The following NALF1 variants were observed in gnomAD, a reference collection of about 807,000 sequenced individuals.
NALF1 encodes NALCN channel auxiliary factor 1.
Under a neutral mutation model 48.4 loss-of-function variants are expected in NALF1, and 3 were observed. The observed-to-expected ratio is 0.06, with a 90% CI of 0.03 to 0.16. The LOEUF (loss-of-function observed/expected upper bound fraction) is 0.16, where lower values mean the gene tolerates loss of function less well. NALF1 is among the 10% of genes least tolerant of loss of function. NALF1 has a pLI of 1.00. For missense variants in NALF1, 526 were observed against 571.5 expected (o/e 0.92, Z 0.81); for synonymous variants, 262 against 245.7 (o/e 1.07, Z -0.62).
At chr13:107,860,750 A>C (rs1027159576) in intron 1 of NALF1, among the ~76,000 whole-genome samples, 1 of 152,270 alleles carries the variant, frequency 6.6e-6, no homozygotes, top group African/African-American at 2.4e-5. Flanking sequence ...CATTCAAATC[A>C]AAATAGTCTT....
chr13:107,774,484 C>T (rs1374107618), intron 1 of NALF1, among the ~76,000 whole-genome samples: 1 of 152,190 alleles, frequency 6.6e-6, no homozygotes, highest in Non-Finnish European at 1.5e-5. Context: ...GTTATCTTTT[C>T]CTGGCTACAT....
At chr13:107,226,380 A>G (rs746771123) in intron 1 of NALF1, among the ~76,000 whole-genome samples, 1 of 152,236 alleles carries the variant, frequency 6.6e-6, no homozygotes. Flanking sequence ...AATAACGTTA[A>G]CTATACATTT....
At chr13:107,502,172 A>T (rs2139079143) in intron 1 of NALF1, among the ~76,000 whole-genome samples, 1 of 152,302 alleles carries the variant, frequency 6.6e-6, no homozygotes, top group African/African-American at 2.4e-5. Context: ...GAAAATACAA[A>T]TATGAGAAAA....
intron 1 of NALF1, among the ~76,000 whole-genome samples, chr13:107,746,693 A>T (rs1019239783): frequency 6.6e-6 from 1 of 152,198 alleles, no homozygotes; most frequent in Non-Finnish European, 1.5e-5. Flanking sequence ...CAGGAAAGGA[A>T]CACTTGGTTT....
intron 1 of NALF1, among the ~76,000 whole-genome samples, chr13:107,317,305 G>A (rs901976044): frequency 2.0e-5 from 3 of 151,938 alleles, no homozygotes; most frequent in Non-Finnish European, 4.4e-5. Flanking sequence ...TTTAATACAC[G>A]TTTAATAAAC....
rs184868839 is a variant in NALF1 at position 107,682,337 on chromosome 13, G to T, written c.915+183345C>A. ...AGGAATCTGCCCTGCTTGCTCTCTG[G>T]CCCGCCTTGGGACTCACGGCCCACC... On this transcript the variant is annotated intron_variant, in intron 1 of 2. Transcript: ENST00000375915. 1.4e-3 allele frequency among the ~76,000 whole-genome samples: 210 copies of T among 152,250 alleles called. 1 individual carries two copies. The highest frequency in any genetic ancestry group is 0.01 in the Middle Eastern group (3 of 292).
In NALF1 at chr13:107,614,777, T is replaced by C. The variant is rs558056519; in HGVS notation, c.915+250905A>G. On this transcript the variant is annotated intron_variant, in intron 1 of 2. Transcript: ENST00000375915. The stretch of plus-strand genomic sequence containing the variant: ...ATCTCTTTTTTTCTTTTTTTTTTTT[T>C]CTTTCTTTTCTTTTTTTGAAGACAG... 5.9e-5 allele frequency among the ~76,000 whole-genome samples: 9 copies of C among 151,678 alleles called. No homozygotes were observed. In the East Asian group the frequency reaches 1.5e-3, roughly 26 times the overall value.
intron 1 of NALF1, among the ~76,000 whole-genome samples, chr13:107,637,405 T>G (rs548514787): frequency 6.6e-6 from 1 of 152,158 alleles, no homozygotes; most frequent in Non-Finnish European, 1.5e-5. Flanking sequence ...ATAAATCTAC[T>G]ACTATTTCAA....
intron 1 of NALF1, among the ~76,000 whole-genome samples, chr13:107,627,277 A>T (rs1879698303): frequency 6.6e-6 from 1 of 152,126 alleles, no homozygotes; most frequent in Non-Finnish European, 1.5e-5. Context: ...AAAGAAAATG[A>T]GTACCTTGTG....
In NALF1 at chr13:107,836,196, T is replaced by C. The variant is rs188016134; in HGVS notation, c.915+29486A>G. Among the ~76,000 whole-genome samples the C allele has an allele frequency of 7.2e-5, 11 of 152,168 alleles. No homozygotes were observed. In the East Asian group the frequency reaches 1.9e-3, roughly 27 times the overall value. On this transcript the variant is annotated intron_variant, in intron 1 of 2. Coordinates refer to ENST00000375915, the MANE Select transcript of NALF1 (RefSeq NM_001080396.3). ...TGTAGAGATGGGGTTTCATCATGTT[T>C]CCCAGGCTGATCTCAAACTCCTGGA... is the stretch of plus-strand genomic sequence containing the variant.
At chr13:107,297,321 T>C (rs1051499746) in intron 1 of NALF1, among the ~76,000 whole-genome samples, 3 of 152,216 alleles carry the variant, frequency 2.0e-5, no homozygotes, top group Non-Finnish European at 2.9e-5. Context: ...ACTAATTTGA[T>C]AATGAAAAGA....
chr13:107,816,823 G>A lies in NALF1; in HGVS notation c.915+48859C>T, dbSNP rs139831761. The stretch of plus-strand genomic sequence containing the variant: ...CATGCGGAGTGTGTCCACCTGATTC[G>A]TAGACCTCTCTCTCTCTTCCCAGTC... On this transcript the variant is annotated intron_variant, in intron 1 of 2. Transcript: ENST00000375915. Among the ~76,000 whole-genome samples, 80 of 152,046 alleles carry A rather than the reference G, an allele frequency of 5.3e-4. 1 individual carries two copies. Among genetic ancestry groups the A allele is most frequent in the East Asian group, 1.5e-3 (8 of 5,176 alleles).
At chr13:107,755,145 T>G (rs1322573627) in intron 1 of NALF1, among the ~76,000 whole-genome samples, 1 of 152,180 alleles carries the variant, frequency 6.6e-6, no homozygotes, top group African/African-American at 2.4e-5. Context: ...TTTTGCTTGT[T>G]GACAGATTAC....
intron 1 of NALF1, among the ~76,000 whole-genome samples, chr13:107,404,400 T>C (rs1168539311): frequency 1.3e-5 from 2 of 152,070 alleles, no homozygotes; most frequent in East Asian, 1.9e-4. Flanking sequence ...TAAGAGAATA[T>C]GGTTTATATT....
chr13:107,540,295 G>A (rs2139118605), intron 1 of NALF1, among the ~76,000 whole-genome samples: 1 of 151,658 alleles, frequency 6.6e-6, no homozygotes, highest in East Asian at 1.9e-4. Context: ...TTCAACCTCT[G>A]CTAAAGCTGA....
At chr13:107,778,761 T>C (rs1428115283) in intron 1 of NALF1, among the ~76,000 whole-genome samples, 2 of 152,112 alleles carry the variant, frequency 1.3e-5, no homozygotes, top group Non-Finnish European at 2.9e-5. Context: ...CTGAACCCTC[T>C]TTCTTCCCTC....
At chr13:107,382,223 A>G (rs1024551510) in intron 1 of NALF1, among the ~76,000 whole-genome samples, 5 of 152,194 alleles carry the variant, frequency 3.3e-5, no homozygotes, top group African/African-American at 7.2e-5. Flanking sequence ...TATATAAATG[A>G]TATGTACGTG....
At chr13:107,805,534 G>A (rs752314167) in intron 1 of NALF1, among the ~76,000 whole-genome samples, 34 of 152,230 alleles carry the variant, frequency 2.2e-4, no homozygotes, top group Non-Finnish European at 3.5e-4. Flanking sequence ...CAGAGGGATA[G>A]AAATGGAGGG....
intron 1 of NALF1, among the ~76,000 whole-genome samples, chr13:107,295,247 T>C (rs1452202093): frequency 1.3e-5 from 2 of 152,172 alleles, no homozygotes; most frequent in Non-Finnish European, 2.9e-5. Context: ...GGTATTTGCT[T>C]TTCTGTGTCT....
Sources: gnomAD v4.1 joint callset for allele counts (sites outside exome capture counted in the v4.1 genomes callset) on GRCh38, gnomAD v4.1.1 for gene constraint, MANE v1.5 for transcripts, NCBI Gene and HGNC (gene_info 2026-07-23, HGNC 2026-07-21) for gene names.